Variants in ARMC3 observed in about 807,000 individuals in gnomAD.
ARMC3 encodes armadillo repeat containing 3.
ARMC3 carries 74 observed loss-of-function variants against 90.3 expected under a neutral mutation model. The observed-to-expected ratio is 0.82, with a 90% CI of 0.68 to 0.99. ARMC3 has a LOEUF of 0.99. Among genes scored for constraint, ARMC3 ranks in the 50% least tolerant of loss-of-function variants. The pLI, the probability that ARMC3 is intolerant of heterozygous loss-of-function variation, is 0.00. For synonymous variants in ARMC3, 334 were observed against 361.8 expected (o/e 0.92, Z 0.87); for missense variants, 958 against 1,042.8 (o/e 0.92, Z 1.12).
chr10:23,014,429 C>T (rs1049374345), intron 16 of ARMC3: 13 of 1,105,584 alleles, frequency 1.2e-5, no homozygotes, highest in Admixed American at 4.4e-5. Flanking sequence ...TGTCTTATGA[C>T]TATTAAAACT....
intron 18 of ARMC3, among the ~76,000 whole-genome samples, chr10:23,035,885 T>C (rs762060748): frequency 2.0e-4 from 30 of 152,182 alleles, no homozygotes; most frequent in Non-Finnish European, 2.6e-4. Context: ...TCTAAGCAGG[T>C]GACCTTGTGT....
chr10:23,025,203 G>C (rs2131548316), intron 16 of ARMC3, among the ~76,000 whole-genome samples: 1 of 152,164 alleles, frequency 6.6e-6, no homozygotes, highest in Non-Finnish European at 1.5e-5. Context: ...GAACTTCTAG[G>C]TGGAAAATTT....
Position 22,961,525 on chromosome 10 carries a change from C to T in ARMC3, c.538-359C>T, listed in dbSNP as rs1835191065. The T allele has an allele frequency of 1.6e-5, 3 of 193,484 alleles. No individual in the cohort carries two copies. The East Asian group carries it at 5.0e-4, about 32-fold the overall frequency. 12.0% of individuals were successfully genotyped at this position (193,484 alleles called of 1,614,324 possible). On this transcript the variant is annotated intron_variant, in intron 6 of 18. Transcript: ENST00000298032. ...TGAATGAGAGAATAAGGAATCAATG[C>T]CATTTCATTGCATTAATTACTATTT...
chr10:23,004,980 G>T (rs1361507824), intron 13 of ARMC3, among the ~76,000 whole-genome samples: 2 of 104,864 alleles, frequency 1.9e-5, no homozygotes, highest in Admixed American at 9.5e-5. Context: ...ACTTTGGGAG[G>T]CCGAGGTGGG....
At chr10:23,035,897 C>T (rs897939240) in intron 18 of ARMC3, among the ~76,000 whole-genome samples, 1 of 152,132 alleles carries the variant, frequency 6.6e-6, no homozygotes, top group South Asian at 2.1e-4. Context: ...ACCTTGTGTC[C>T]CACTTCACAA....
chr10:22,932,511 C>G (rs1833971938), intron 2 of ARMC3, among the ~76,000 whole-genome samples: 1 of 152,208 alleles, frequency 6.6e-6, no homozygotes, highest in African/African-American at 2.4e-5. Context: ...AGTCTGGCAT[C>G]ATCATTTTTA....
rs1292980582 is a variant in ARMC3 at position 22,929,258 on chromosome 10, GAGAGAGAGGGAGAGAGAGAGAGAGAA to G, written c.-2+1161_-2+1186del. ...AAGAAAAAGAAAAAAAGAGAAGAGAGAGAGAGAGGGAGAGAGAGAGAGAGAAAGAGAGAGAGAAAGAGAAAGAAAAA... is the reference window on the plus strand; with the variant it reads ...AAGAAAAAGAAAAAAAGAGAAGAGAGAGAGAGAGAGAAAGAGAAAGAAAAA... On this transcript the variant is annotated intron_variant, in intron 1 of 18. Transcript: ENST00000298032. Among the ~76,000 whole-genome samples, 338 of 149,124 alleles carry G rather than the reference GAGAGAGAGGGAGAGAGAGAGAGAGAA, an allele frequency of 2.3e-3. 1 individual carries two copies. The highest frequency in any genetic ancestry group is 8.0e-3 in the African/African-American group (323 of 40,488).
intron 10 of ARMC3, among the ~76,000 whole-genome samples, chr10:22,982,210 A>G (rs1466748944): frequency 5.9e-5 from 9 of 152,080 alleles, no homozygotes. Flanking sequence ...AGCCCCATCT[A>G]TACTAAAAAT....
At chr10:22,971,434 A>G (rs1365058549) in intron 8 of ARMC3, among the ~76,000 whole-genome samples, 3 of 145,240 alleles carry the variant, frequency 2.1e-5, no homozygotes, top group Non-Finnish European at 4.5e-5. Context: ...TGGTAATTAT[A>G]TTTTTAGTTT....
intron 16 of ARMC3, among the ~76,000 whole-genome samples, chr10:23,019,297 C>A (rs1838411728): frequency 6.6e-6 from 1 of 152,156 alleles, no homozygotes; most frequent in South Asian, 2.1e-4. Flanking sequence ...ACAGACATTC[C>A]ATCTATGGTG....
At chr10:22,988,054 A>C (rs1417932027) in intron 10 of ARMC3, among the ~76,000 whole-genome samples, 1 of 152,204 alleles carries the variant, frequency 6.6e-6, no homozygotes, top group Non-Finnish European at 1.5e-5. Flanking sequence ...CCCCCAAATT[A>C]TATGGATGTG....
chr10:23,022,338 T>C (rs1399990171), intron 16 of ARMC3, among the ~76,000 whole-genome samples: 1 of 152,232 alleles, frequency 6.6e-6, no homozygotes, highest in Admixed American at 6.5e-5. Flanking sequence ...CAAAAATCAC[T>C]TGATGACTTC....
intron 2 of ARMC3, among the ~76,000 whole-genome samples, chr10:22,942,845 T>C (rs192703860): frequency 1.8e-4 from 28 of 152,296 alleles, no homozygotes; most frequent in Admixed American, 1.8e-3. Context: ...AACTGGTATA[T>C]TTATATACTG....
intron 11 of ARMC3, 70 bp from the exon 12 acceptor site, chr10:23,001,849 G>T: frequency 6.6e-7 from 1 of 1,509,400 alleles, no homozygotes; most frequent in Non-Finnish European, 8.9e-7. Context: ...CAAATAATGA[G>T]ATTTTTTTAA....
At chr10:22,986,331 T>C (rs779463888) in intron 10 of ARMC3, among the ~76,000 whole-genome samples, 12 of 151,852 alleles carry the variant, frequency 7.9e-5, no homozygotes, top group Non-Finnish European at 1.8e-4. Flanking sequence ...GCGGGTGGAT[T>C]ACTTGAGGTC....
At chr10:23,022,473 A>G (rs1838549813) in intron 16 of ARMC3, among the ~76,000 whole-genome samples, 1 of 152,174 alleles carries the variant, frequency 6.6e-6, no homozygotes, top group Non-Finnish European at 1.5e-5. Flanking sequence ...AAGAAGGTGA[A>G]CTGGCTGGGG....
At position 23,037,458 on chromosome 10, in the gene ARMC3, T is replaced by C. The variant is rs745697738; in HGVS notation, c.2598T>C (p.Ala866=). 1.2e-6 allele frequency: 2 copies of C among 1,613,694 alleles called. No individual in the cohort carries two copies. Among genetic ancestry groups the C allele is most frequent in the East Asian group, 2.2e-5 (1 of 44,882 alleles). ...TGATGAAGTTGAGAAGTCGAGAGGC[T>C]GATCTTTACAGATTCATTTAAGCCA... ...GGLMKLRSRE[A]DLYRFI The change falls in exon 19 of 19, where the codon GCT becomes GCC. Residue 866 remains alanine, a synonymous_variant. Coordinates refer to ENST00000298032, the MANE Select transcript of ARMC3 (RefSeq NM_173081.5).
At chr10:23,007,129 TCATAGCCCGA>T (rs1308679266) in intron 14 of ARMC3, 148 bp downstream of exon 14, 29 of 630,386 alleles carry the variant, frequency 4.6e-5, no homozygotes, top group Middle Eastern at 2.9e-4. Flanking sequence ...GCTCATAAAC[TCATAGCCCGA>T]CATGGAATAA....
rs148343062 is a variant in ARMC3 at position 23,007,302 on chromosome 10, A to C, written c.1829+321A>C. ...AAATAGCAGCAAACCGAGATGAATC[A>C]TGTTTACAATTCTCCAGGACTATGT... On this transcript the variant is annotated intron_variant, in intron 14 of 18. Transcript: ENST00000298032. Among the ~76,000 whole-genome samples the C allele has an allele frequency of 3.8e-3, 575 of 152,324 alleles. 6 individuals carry two copies. The highest frequency in any genetic ancestry group is 6.5e-3 in the Non-Finnish European group (439 of 68,020).
Sources: gnomAD v4.1 joint callset for allele counts (sites outside exome capture counted in the v4.1 genomes callset) on GRCh38, gnomAD v4.1.1 for gene constraint, MANE v1.5 for transcripts, NCBI Gene and HGNC (gene_info 2026-07-23, HGNC 2026-07-21) for gene names.